The following FMN1 variants were observed in gnomAD, a reference collection of about 807,000 sequenced individuals.
FMN1 encodes formin-1.
FMN1 carries 110 observed loss-of-function variants against 132.4 expected under a neutral mutation model. The ratio of observed to expected loss-of-function variants is 0.83; its 90% CI spans 0.71 to 0.97. The LOEUF (loss-of-function observed/expected upper bound fraction) is 0.97, where lower values mean the gene tolerates loss of function less well. FMN1 is among the 50% of genes least tolerant of loss of function. The pLI, the probability that FMN1 is intolerant of heterozygous loss-of-function variation, is 0.00. For synonymous variants in FMN1, 722 were observed against 651.7 expected (o/e 1.11, Z -1.64); for missense variants, 1,792 against 1,705.3 (o/e 1.05, Z -0.90).
intron 4 of FMN1, among the ~76,000 whole-genome samples, chr15:33,135,335 T>A (rs967324855): frequency 2.6e-5 from 4 of 152,166 alleles, no homozygotes; most frequent in Non-Finnish European, 5.9e-5. Flanking sequence ...TTTGTAAAAA[T>A]GTGCCCTTAG....
chr15:33,013,887 A>G (rs1018995322), intron 6 of FMN1, among the ~76,000 whole-genome samples: 1 of 152,242 alleles, frequency 6.6e-6, no homozygotes, highest in Admixed American at 6.5e-5. Context: ...TATACAGACT[A>G]TATTTTGCAA....
chr15:33,115,479 T>C (rs991582898), intron 4 of FMN1, among the ~76,000 whole-genome samples: 1 of 147,846 alleles, frequency 6.8e-6, no homozygotes, highest in African/African-American at 2.5e-5. Flanking sequence ...GGAAACTGGA[T>C]TTCATCCTTA....
At chr15:33,092,711 A>T (rs1423329666) in intron 4 of FMN1, among the ~76,000 whole-genome samples, 3 of 152,186 alleles carry the variant, frequency 2.0e-5, no homozygotes, top group Non-Finnish European at 4.4e-5. Flanking sequence ...ATTATAAGCC[A>T]CTGAGATTTG....
intron 9 of FMN1, among the ~76,000 whole-genome samples, chr15:32,932,570 G>C (rs2061149180): frequency 1.3e-5 from 2 of 152,130 alleles, no homozygotes; most frequent in African/African-American, 4.8e-5. Context: ...GAGAAGCACT[G>C]CTTCCCTGTT....
chr15:33,008,832 G>A (rs2034554769), intron 6 of FMN1, among the ~76,000 whole-genome samples: 1 of 152,094 alleles, frequency 6.6e-6, no homozygotes, highest in African/African-American at 2.4e-5. Flanking sequence ...AGGCTGCAGA[G>A]AACCACAAGA....
chr15:32,941,144 G>C (rs1040346142), intron 9 of FMN1, among the ~76,000 whole-genome samples: 3 of 152,134 alleles, frequency 2.0e-5, no homozygotes, highest in African/African-American at 7.2e-5. Flanking sequence ...TTTACGTGAA[G>C]CCAGTAGATA....
At chr15:33,126,166 A>C (rs1193728443) in intron 4 of FMN1, among the ~76,000 whole-genome samples, 1 of 152,104 alleles carries the variant, frequency 6.6e-6, no homozygotes, top group African/African-American at 2.4e-5. Flanking sequence ...GGTCATGAGG[A>C]GCATACATCC....
chr15:33,177,439 T>C (rs1454650998), intron 3 of FMN1, among the ~76,000 whole-genome samples: 1 of 151,840 alleles, frequency 6.6e-6, no homozygotes, highest in Non-Finnish European at 1.5e-5. Context: ...AAGTCCAGCT[T>C]TGCCAATTAC....
At chr15:32,804,426 A>G (rs1393892489) in intron 17 of FMN1, 94 bp from the exon 18 acceptor site, 16 of 25,730 alleles carry the variant, frequency 6.2e-4, no homozygotes, top group South Asian at 1.7e-3. Flanking sequence ...TTACCACAGG[A>G]GGTCTGAATT....
intron 16 of FMN1, among the ~76,000 whole-genome samples, chr15:32,876,805 A>T (rs947643335): frequency 2.0e-5 from 3 of 152,250 alleles, no homozygotes; most frequent in Non-Finnish European, 4.4e-5. Context: ...ATAGGACTGC[A>T]TTCGACAGAT....
In FMN1 at chr15:32,947,238, T is replaced by C. The variant is rs573225109; in HGVS notation, c.3138+16869A>G. Among the ~76,000 whole-genome samples, 43 of 152,234 alleles carry C rather than the reference T, an allele frequency of 2.8e-4. 1 individual carries two copies. The highest frequency in any genetic ancestry group is 1.6e-3 in the Admixed American group (25 of 15,286). On this transcript the variant is annotated intron_variant, in intron 9 of 20. Coordinates refer to ENST00000616417, the MANE Select transcript of FMN1 (RefSeq NM_001277313.2). ...GATCCATTTTCCTTTTTTTGCCATA[T>C]ATATTCAATTTTTAAAATACTTTTA...
chr15:33,042,000 T>TA (rs145623420), intron 6 of FMN1, among the ~76,000 whole-genome samples: 1 of 151,458 alleles, frequency 6.6e-6, no homozygotes, highest in African/African-American at 2.4e-5. Flanking sequence ...CAATAAAAAT[T>TA]AAAAAATAAA....
intron 4 of FMN1, among the ~76,000 whole-genome samples, chr15:33,092,522 G>A (rs1029492993): frequency 2.6e-5 from 4 of 152,002 alleles, no homozygotes; most frequent in Non-Finnish European, 4.4e-5. Flanking sequence ...TTCATGCCCC[G>A]CCCTGTGCTT....
intron 4 of FMN1, among the ~76,000 whole-genome samples, chr15:33,108,437 T>C (rs140186934): frequency 3.0e-4 from 45 of 152,118 alleles, no homozygotes; most frequent in Middle Eastern, 3.4e-3. Flanking sequence ...TTCAAAATAG[T>C]ATTATTTTAC....
intron 4 of FMN1, among the ~76,000 whole-genome samples, chr15:33,133,241 A>G (rs1963623860): frequency 6.6e-6 from 1 of 152,144 alleles, no homozygotes; most frequent in African/African-American, 2.4e-5. Flanking sequence ...AAAGAAGGAG[A>G]GTGTGTGGTT....
intron 3 of FMN1, among the ~76,000 whole-genome samples, chr15:33,168,349 A>G (rs1965189115): frequency 1.3e-5 from 2 of 152,248 alleles, no homozygotes; most frequent in South Asian, 4.1e-4. Flanking sequence ...TTATTAAGCA[A>G]TTAACACTAT....
chr15:33,184,936 G>A (rs1965828403), intron 2 of FMN1, among the ~76,000 whole-genome samples: 1 of 152,174 alleles, frequency 6.6e-6, no homozygotes, highest in Non-Finnish European at 1.5e-5. Context: ...AGTAAATGAA[G>A]AGCTGATGAA....
intron 6 of FMN1, among the ~76,000 whole-genome samples, chr15:33,060,675 T>C (rs1467831083): frequency 6.6e-6 from 1 of 152,196 alleles, no homozygotes; most frequent in African/African-American, 2.4e-5. Context: ...GGGCAGTACA[T>C]CTGCCATTCC....
intron 6 of FMN1, among the ~76,000 whole-genome samples, chr15:33,061,179 A>C (rs1157264730): frequency 6.6e-6 from 1 of 152,186 alleles, no homozygotes; most frequent in Non-Finnish European, 1.5e-5. Context: ...AATATGAAGA[A>C]TCACTAACCA....
Sources: allele counts gnomAD v4.1 joint callset (sites outside exome capture counted in the v4.1 genomes callset), GRCh38; gene constraint gnomAD v4.1.1; transcripts MANE v1.5; gene names NCBI Gene and HGNC (gene_info 2026-07-23, HGNC 2026-07-21).